HEATR5B: variants seen among roughly 807,000 people sequenced by gnomAD.
The protein encoded by HEATR5B is HEAT repeat containing 5B, also known as HEAT repeat-containing protein 5B.
A neutral mutation model predicts 224.1 loss-of-function variants in HEATR5B; 156 were observed. The ratio of observed to expected loss-of-function variants is 0.70; its 90% CI spans 0.61 to 0.80. The LOEUF (loss-of-function observed/expected upper bound fraction) is 0.80. Among genes scored for constraint, HEATR5B ranks in the 30% least tolerant of loss-of-function variants. The probability of loss-of-function intolerance (pLI) is 0.00; values close to 1 mark genes in which losing one functional copy is unlikely to be tolerated. For missense variants in HEATR5B, 2,323 were observed against 2,535.5 expected, an observed-to-expected ratio of 0.92 and a Z score of 1.80; for synonymous variants, 1,027 against 893.0, an observed-to-expected ratio of 1.15 and a Z score of -2.68.
rs760492593 is a variant in HEATR5B, at chr2:37,058,578, T to C, written c.1950-18A>G. 45 of 1,512,912 alleles carry C rather than the reference T, an allele frequency of 3.0e-5. No individual in the cohort carries two copies. In the East Asian group the frequency reaches 9.0e-4, roughly 30 times the overall value. The allele number at this position is 1,512,912 out of a possible 1,614,324, so 93.7% of individuals were successfully genotyped here. On this transcript the variant is annotated intron_variant, in intron 13 of 35. Transcript: ENST00000233099. ...ATGGAATGCTAAAATATCAAAAACA[T>C]AGTTGGTAATGGCTTACCAGAATAA...
At chr2:37,074,906 T>C (rs1221580683) in intron 5 of HEATR5B, among the ~76,000 whole-genome samples, 2 of 152,208 alleles carry the variant, frequency 1.3e-5, no homozygotes, top group Non-Finnish European at 2.9e-5. Context: ...TTAAAAAGAC[T>C]GTCAGTAACA....
intron 26 of HEATR5B, among the ~76,000 whole-genome samples, chr2:37,016,072 G>C (rs564696707): frequency 7.3e-5 from 11 of 151,346 alleles, no homozygotes; most frequent in Non-Finnish European, 1.6e-4. Flanking sequence ...GGTGGTCTCA[G>C]AGTGTCACCT....
chr2:37,005,241 C>T (rs1229528716), intron 30 of HEATR5B, among the ~76,000 whole-genome samples: 2 of 152,170 alleles, frequency 1.3e-5, no homozygotes, highest in African/African-American at 2.4e-5. Flanking sequence ...AAACCCGTCC[C>T]GCATGTGTTG....
At chr2:37,005,399 A>G (rs973146411) in intron 30 of HEATR5B, among the ~76,000 whole-genome samples, 1 of 152,088 alleles carries the variant, frequency 6.6e-6, no homozygotes, top group African/African-American at 2.4e-5. Context: ...CACTGTACCT[A>G]TCTCCTAATT....
chr2:37,015,948 A>C (rs1462012535), intron 26 of HEATR5B, among the ~76,000 whole-genome samples: 1 of 152,158 alleles, frequency 6.6e-6, no homozygotes, highest in East Asian at 1.9e-4. Context: ...CAATTAAGGG[A>C]CAAGTAGAAT....
intron 10 of HEATR5B, among the ~76,000 whole-genome samples, chr2:37,064,464 G>T (rs1267985868): frequency 2.0e-5 from 3 of 151,172 alleles, no homozygotes; most frequent in Non-Finnish European, 4.4e-5. Context: ...TGTAATGATG[G>T]GGTCTCACTA....
chr2:37,006,797 CG>C (rs1011726698), intron 29 of HEATR5B, among the ~76,000 whole-genome samples: 2 of 152,086 alleles, frequency 1.3e-5, no homozygotes, highest in Admixed American at 1.3e-4. Context: ...AAACATATTA[CG>C]TTTTTTTACT....
intron 1 of HEATR5B, among the ~76,000 whole-genome samples, chr2:37,083,993 G>C (rs1365503876): frequency 6.6e-6 from 1 of 152,174 alleles, no homozygotes; most frequent in African/African-American, 2.4e-5. Flanking sequence ...AGGCGGTCCG[G>C]AATGCACCCG....
Position 37,060,612 on chromosome 2 carries a change from T to A in HEATR5B, c.1818A>T (p.Val606=). 1 of 1,613,930 alleles carries A rather than the reference T, an allele frequency of 6.2e-7. No individual in the cohort carries two copies. Among genetic ancestry groups the A allele is most frequent in the Non-Finnish European group, 8.5e-7 (1 of 1,179,856 alleles). The change falls in exon 12 of 36, where the codon GTA becomes GTT. Residue 606 remains valine (V), a synonymous_variant. Transcript: ENST00000233099. Reference sequence around the variant, plus strand: ...GAGCTCCAGCACGACCTTCCAAAGTTACCTGCCAGGTAAAAGAATCGCCTC... The same window carrying A: ...GAGCTCCAGCACGACCTTCCAAAGTAACCTGCCAGGTAAAAGAATCGCCTC... ...KARGDSFTWQ[V]TLEGRAGALC...
At chr2:37,066,545 G>A (rs1343000783) in intron 8 of HEATR5B, among the ~76,000 whole-genome samples, 1 of 152,116 alleles carries the variant, frequency 6.6e-6, no homozygotes, top group Non-Finnish European at 1.5e-5. Context: ...GTTTCTGTAA[G>A]TTCCCATTAA....
intron 22 of HEATR5B, among the ~76,000 whole-genome samples, chr2:37,032,278 C>T (rs892788780): frequency 2.0e-5 from 3 of 152,086 alleles, no homozygotes; most frequent in Non-Finnish European, 4.4e-5. Flanking sequence ...TACTTCCTTA[C>T]TTTAGGAGAC....
chr2:37,077,082 AT>A, intron 3 of HEATR5B, 63 bp from the exon 4 acceptor site: 1 of 1,345,740 alleles, frequency 7.4e-7, no homozygotes, highest in Non-Finnish European at 1.0e-6. Context: ...TACTTTTCTC[AT>A]TTTTAGAAAT....
chr2:36,982,472 T>C (rs1244555576), intron 35 of HEATR5B, among the ~76,000 whole-genome samples: 1 of 152,228 alleles, frequency 6.6e-6, no homozygotes, highest in African/African-American at 2.4e-5. Flanking sequence ...GGTGATTTTT[T>C]TTAACAATTA....
intron 30 of HEATR5B, 110 bp downstream of exon 30, chr2:37,005,522 A>G: frequency 1.0e-6 from 1 of 953,150 alleles, no homozygotes; most frequent in African/African-American, 1.6e-5. Flanking sequence ...GTGTATTCAT[A>G]TCATGTTAAA....
intron 33 of HEATR5B, among the ~76,000 whole-genome samples, chr2:36,999,678 C>CA (rs879773011): frequency 4.3e-4 from 59 of 138,132 alleles, no homozygotes; most frequent in East Asian, 2.3e-3. Context: ...GACCCTGTCT[C>CA]AAAAAAAAAA....
intron 35 of HEATR5B, among the ~76,000 whole-genome samples, chr2:36,986,451 GATT>G (rs1205644063): frequency 6.6e-6 from 1 of 151,924 alleles, no homozygotes; most frequent in Non-Finnish European, 1.5e-5. Context: ...CATAGTTCTG[GATT>G]ATTATTTTAT....
intron 7 of HEATR5B, among the ~76,000 whole-genome samples, chr2:37,069,693 C>T (rs1054231163): frequency 3.9e-5 from 6 of 152,072 alleles, no homozygotes; most frequent in Non-Finnish European, 8.8e-5. Context: ...AAGATATTTA[C>T]ACAAATATGG....
At chr2:37,010,952 A>G (rs541416251) in intron 27 of HEATR5B, among the ~76,000 whole-genome samples, 7 of 152,124 alleles carry the variant, frequency 4.6e-5, no homozygotes, top group Non-Finnish European at 8.8e-5. Flanking sequence ...CTTTCCATGA[A>G]TTCACAGGCT....
At position 37,014,036 on chromosome 2, in the gene HEATR5B, T is replaced by C; in HGVS notation, c.4105-16A>G. On this transcript the variant is annotated splice_polypyrimidine_tract_variant and intron_variant, in intron 26 of 35. Transcript: ENST00000233099. ...TACTACATACCTAGACAAAGAGAAT[T>C]CAAAAACTTTTGTGTAAAAAAAATT... is the stretch of plus-strand genomic sequence containing the variant. The C allele has an allele frequency of 6.9e-7, 1 of 1,457,884 alleles. No homozygotes were observed. The highest frequency in any genetic ancestry group is 1.4e-5 in the South Asian group (1 of 69,172). The allele number at this position is 1,457,884 out of a possible 1,614,324, so 90.3% of individuals were successfully genotyped here.
Sources: gnomAD v4.1 joint callset for allele counts (sites outside exome capture counted in the v4.1 genomes callset) on GRCh38, gnomAD v4.1.1 for gene constraint, MANE v1.5 for transcripts, NCBI Gene and HGNC (gene_info 2026-07-23, HGNC 2026-07-21) for gene names.